The following SYNE2 variants were observed in gnomAD, a reference collection of about 807,000 sequenced individuals.
SYNE2 encodes nesprin-2.
SYNE2 carries 431 observed loss-of-function variants against 856.3 expected under a neutral mutation model. The observed-to-expected ratio is 0.50, with a 90% CI of 0.47 to 0.55. SYNE2 has a LOEUF of 0.55. Ranked by LOEUF, SYNE2 falls within the 20% of genes least tolerant of loss-of-function variation. The pLI, the probability that SYNE2 is intolerant of heterozygous loss-of-function variation, is 0.00. For missense variants in SYNE2, 8,129 were observed against 8,023.2 expected (o/e 1.01, Z -0.50); for synonymous variants, 2,923 against 2,872.3 (o/e 1.02, Z -0.56).
chr14:63,986,399 A>G, intron 18 of SYNE2, 57 bp from the exon 19 acceptor site: 3 of 1,595,882 alleles, frequency 1.9e-6, no homozygotes, highest in Non-Finnish European at 2.6e-6. Flanking sequence ...TGAAAAGGAA[A>G]ATTATTTTGT....
chr14:64,163,693 A>C, intron 89 of SYNE2, 112 bp downstream of exon 89: 1 of 1,253,560 alleles, frequency 8.0e-7, no homozygotes, highest in Admixed American at 1.9e-5. Context: ...TAGCAAAATT[A>C]CAGACTGAAG....
At chr14:64,135,093 A>C (rs2098074602) in intron 78 of SYNE2, among the ~76,000 whole-genome samples, 1 of 152,234 alleles carries the variant, frequency 6.6e-6, no homozygotes, top group Non-Finnish European at 1.5e-5. Context: ...AGAAAAGATA[A>C]AACCTCAAAA....
chr14:63,929,631 C>T (rs1256996361), intron 2 of SYNE2, among the ~76,000 whole-genome samples: 3 of 151,770 alleles, frequency 2.0e-5, no homozygotes, highest in African/African-American at 4.8e-5. Context: ...ATTAGCTGGG[C>T]GTGGGGGTGG....
At position 64,053,294 on chromosome 14, in the gene SYNE2, A is replaced by T. The variant is rs1469206214; in HGVS notation, c.9381A>T (p.Ala3127=). ...AAATACTACAAATAAAGCTGAATGC[A>T]GAAGAAAATGATAAGTTATACAAAG... The part of the protein sequence containing the change: ...EKEILQIKLN[A]EENDKLYKVL... The change falls in exon 48 of 116, where the codon GCA becomes GCT. Residue 3127 remains alanine (A), a synonymous_variant. Transcript: ENST00000555002. 1.2e-6 allele frequency: 2 copies of T among 1,608,210 alleles called. No homozygotes were observed. Among genetic ancestry groups the T allele is most frequent in the Non-Finnish European group, 1.7e-6 (2 of 1,178,434 alleles).
intron 92 of SYNE2, among the ~76,000 whole-genome samples, 197 bp from the exon 93 acceptor site, chr14:64,168,680 C>T (rs2098395487): frequency 6.6e-6 from 1 of 152,090 alleles, no homozygotes; most frequent in African/African-American, 2.4e-5. Context: ...TATTATTAGA[C>T]CTGTTTGCTT....
intron 25 of SYNE2, 91 bp from the exon 26 acceptor site, chr14:63,998,128 C>A: frequency 1.1e-6 from 1 of 940,626 alleles, no homozygotes; most frequent in Admixed American, 1.8e-5. Flanking sequence ...TATAAAGAAT[C>A]AATGATACAT....
At chr14:64,021,759 G>A (rs529621552) in intron 36 of SYNE2, 98 bp from the exon 37 acceptor site, 615 of 1,323,656 alleles carry the variant, frequency 4.6e-4, no homozygotes, top group Non-Finnish European at 6.2e-4. Context: ...TCAACAGAGA[G>A]TCATTGAGAT....
chr14:63,941,296 G>A (rs1306470909), intron 3 of SYNE2, among the ~76,000 whole-genome samples: 2 of 152,114 alleles, frequency 1.3e-5, no homozygotes, highest in East Asian at 3.8e-4. Flanking sequence ...ACCACACACT[G>A]TTTTTTTCTC....
At chr14:64,056,883 G>T (rs2097275029) in intron 49 of SYNE2, among the ~76,000 whole-genome samples, 1 of 152,048 alleles carries the variant, frequency 6.6e-6, no homozygotes, top group Non-Finnish European at 1.5e-5. Flanking sequence ...TGTTGGTCAG[G>T]CTGGTCTTGA....
rs1333050120 is a variant in SYNE2, at chr14:64,225,947, G to GGC, written c.*422_*423dup. On this transcript the variant is annotated 3_prime_UTR_variant, in exon 116 of 116. Coordinates refer to ENST00000555002, the MANE Select transcript of SYNE2 (RefSeq NM_182914.3). ...CCTAGAAATGGTTCAGAAACTCATA[G>GGC]GCACCCTTAGCTGATGGAAACAATC... 6 of 362,242 alleles carry GGC rather than the reference G, an allele frequency of 1.7e-5. No homozygotes were observed. The highest frequency in any genetic ancestry group is 3.0e-5 in the Non-Finnish European group (6 of 197,798). 22.4% of individuals were successfully genotyped at this position (362,242 alleles called of 1,614,324 possible). A position where few individuals can be genotyped will look rare whatever the true frequency, so the allele number is the denominator to read the frequency against.
intron 11 of SYNE2, among the ~76,000 whole-genome samples, chr14:63,974,892 GTATATATATATATATATA>G (rs145247655): frequency 0.038 from 2,584 of 67,340 alleles, 153 homozygotes; most frequent in East Asian, 0.059. Context: ...GTGTGTGTGT[GTATATATATATATATATA>G]TATATATGTA....
rs1384316881 is a variant in SYNE2 at position 64,107,723 on chromosome 14, C to T, written c.12609+116C>T. On this transcript the variant is annotated intron_variant, in intron 65 of 115. Coordinates refer to ENST00000555002, the MANE Select transcript of SYNE2 (RefSeq NM_182914.3). ...CGTCAAGCTAAGTGTTCCTTGTGAA[C>T]TTTAACATATGAAGATATGTGCTGT... The T allele has an allele frequency of 1.2e-5, 10 of 865,366 alleles. No individual in the cohort carries two copies. The East Asian group carries it at 2.4e-4, about 21-fold the overall frequency. 53.6% of individuals were successfully genotyped at this position (865,366 alleles called of 1,614,324 possible).
chr14:64,209,644 G>A (rs753562507), intron 102 of SYNE2, 66 bp downstream of exon 102: 11 of 1,599,694 alleles, frequency 6.9e-6, no homozygotes, highest in Non-Finnish European at 9.4e-6. Context: ...GGGGGCTGCT[G>A]AAATGACTTC....
intron 61 of SYNE2, among the ~76,000 whole-genome samples, chr14:64,094,055 G>C (rs146075417): frequency 6.6e-6 from 1 of 151,932 alleles, no homozygotes. Flanking sequence ...CCTGTGGGCC[G>C]GGCGCGGTGG....
chr14:63,930,636 G>A (rs2095740137), intron 2 of SYNE2, among the ~76,000 whole-genome samples: 1 of 151,266 alleles, frequency 6.6e-6, no homozygotes, highest in African/African-American at 2.4e-5. Context: ...CCAAGTTCAA[G>A]TGATTCTCCT....
chr14:64,208,598 G>A (rs1352472962), intron 100 of SYNE2, among the ~76,000 whole-genome samples, 160 bp from the exon 101 acceptor site: 1 of 152,244 alleles, frequency 6.6e-6, no homozygotes, highest in Non-Finnish European at 1.5e-5. Context: ...GCACAAAGAT[G>A]AGAGGGATTC....
chr14:63,921,650 G>C (rs966093336), intron 2 of SYNE2, among the ~76,000 whole-genome samples: 2 of 152,200 alleles, frequency 1.3e-5, no homozygotes, highest in Admixed American at 6.5e-5. Context: ...ATGGAAATAC[G>C]TAAGTGGCCT....
chr14:63,787,807 C>A (rs928351316), intron 1 of SYNE2, among the ~76,000 whole-genome samples: 36 of 152,336 alleles, frequency 2.4e-4, no homozygotes, highest in African/African-American at 8.7e-4. Flanking sequence ...CTTGGACCCA[C>A]AGGGACTGGC....
At position 64,224,554 on chromosome 14, in the gene SYNE2, A is replaced by G. The variant is rs370305948; in HGVS notation, c.20469+7A>G. 32 of 1,614,064 alleles carry G rather than the reference A, an allele frequency of 2.0e-5. No homozygotes were observed. In the African/African-American group the frequency reaches 2.5e-4, roughly 13 times the overall value. On this transcript the variant is annotated splice_region_variant and intron_variant, in intron 114 of 115. Transcript: ENST00000555002. ...GCCAGCTCCCCGAGCAAAGGTAAGA[A>G]GCCCCTTCCTTCTGTGAGAACCTCA...
Sources: gnomAD v4.1 joint callset for allele counts (sites outside exome capture counted in the v4.1 genomes callset) on GRCh38, gnomAD v4.1.1 for gene constraint, MANE v1.5 for transcripts, NCBI Gene and HGNC (gene_info 2026-07-23, HGNC 2026-07-21) for gene names.